Variants in MYO16 observed in about 807,000 individuals in gnomAD.
MYO16 encodes the protein unconventional myosin-XVI.
In MYO16, 94 loss-of-function variants were observed where a neutral mutation model predicts 205.3. The ratio of observed to expected loss-of-function variants is 0.46; its 90% CI spans 0.39 to 0.54. The LOEUF (loss-of-function observed/expected upper bound fraction) is 0.54. MYO16 is among the 20% of genes least tolerant of loss of function. The probability of loss-of-function intolerance (pLI) is 0.00; values close to 1 mark genes in which losing one functional copy is unlikely to be tolerated. For synonymous variants in MYO16, 988 were observed against 954.0 expected (o/e 1.04, Z -0.66); for missense variants, 2,315 against 2,387.5 (o/e 0.97, Z 0.63).
the MYO16 span, among the ~76,000 whole-genome samples, chr13:108,581,931 G>T: frequency 2.0e-5 from 3 of 150,666 alleles, no homozygotes; most frequent in African/African-American, 7.3e-5. Flanking sequence ...GGGGAAGTTT[G>T]TCAGCACTGT....
rs763212761 is a variant in MYO16, at chr13:108,844,328, T to A, written c.1098-15T>A. On this transcript the variant is annotated splice_polypyrimidine_tract_variant and intron_variant, in intron 9 of 34. Transcript: ENST00000457511. ...AGAAAGAGACTAATTGTAGTATTGA[T>A]TTTTTTTCCTGTAGCAGTCCCCTGG... is the stretch of plus-strand genomic sequence containing the variant. 64 of 1,590,304 alleles carry A rather than the reference T, an allele frequency of 4.0e-5. No individual in the cohort carries two copies. The highest frequency in any genetic ancestry group is 5.3e-5 in the Non-Finnish European group (62 of 1,164,650).
intron 23 of MYO16, among the ~76,000 whole-genome samples, chr13:109,040,508 C>T (rs991550251): frequency 7.3e-5 from 11 of 151,544 alleles, no homozygotes; most frequent in Admixed American, 1.3e-4. Context: ...ATAAAAAGAA[C>T]GGTTTTGGTT....
In MYO16 at chr13:108,634,251, C is replaced by T. The variant is rs184057901; in HGVS notation, c.28+4379C>T. On this transcript the variant is annotated intron_variant, in intron 1 of 34. Coordinates refer to ENST00000457511, the MANE Select transcript of MYO16 (RefSeq NM_001198950.3). The stretch of plus-strand genomic sequence containing the variant: ...CAGGCTGAGGAGTTACAAACCTACC[C>T]TCCCACCATTAAATCTGCAGAGTGT... Among the ~76,000 whole-genome samples the T allele has an allele frequency of 7.8e-4, 119 of 152,252 alleles. 2 individuals carry two copies. Among genetic ancestry groups the T allele is most frequent in the African/African-American group, 2.7e-3 (112 of 41,564 alleles).
chr13:109,100,688 A>G, intron 27 of MYO16, 97 bp from the exon 28 acceptor site: 2 of 909,874 alleles, frequency 2.2e-6, no homozygotes, highest in Non-Finnish European at 3.4e-6. Flanking sequence ...AGACGGGGAA[A>G]CTTTTGGGAA....
intron 4 of MYO16, among the ~76,000 whole-genome samples, chr13:108,747,538 TGTC>T (rs953623804): frequency 1.2e-4 from 18 of 152,102 alleles, no homozygotes; most frequent in Middle Eastern, 3.2e-3. Context: ...AAAGTATAAT[TGTC>T]GTGCTAAGAC....
At chr13:108,905,393 T>G (rs1032410071) in intron 15 of MYO16, among the ~76,000 whole-genome samples, 12 of 152,186 alleles carry the variant, frequency 7.9e-5, no homozygotes, top group African/African-American at 2.7e-4. Context: ...GAGCCAGTGC[T>G]AATAAAGGGT....
chr13:109,011,767 C>T (rs1885610679), intron 22 of MYO16, among the ~76,000 whole-genome samples: 1 of 152,084 alleles, frequency 6.6e-6, no homozygotes, highest in Non-Finnish European at 1.5e-5. Flanking sequence ...CCTGCCTCAC[C>T]TCCCAAAGTG....
chr13:108,647,454 G>A (rs1234681927), intron 1 of MYO16, among the ~76,000 whole-genome samples: 1 of 152,114 alleles, frequency 6.6e-6, no homozygotes, highest in Admixed American at 6.5e-5. Context: ...TACTCTCTCA[G>A]AAATGTGGAG....
chr13:109,058,987 C>T (rs1220025642), intron 27 of MYO16, among the ~76,000 whole-genome samples: 1 of 152,122 alleles, frequency 6.6e-6, no homozygotes, highest in South Asian at 2.1e-4. Flanking sequence ...CCATAAGCAG[C>T]AACTCCTCAT....
chr13:108,912,212 T>A (rs1449859654), intron 16 of MYO16, among the ~76,000 whole-genome samples: 2 of 152,156 alleles, frequency 1.3e-5, no homozygotes, highest in Non-Finnish European at 2.9e-5. Flanking sequence ...AGGAAGAGAA[T>A]GAATTGGCCT....
At chr13:109,041,210 A>G (rs1226592848) in intron 23 of MYO16, among the ~76,000 whole-genome samples, 2 of 152,218 alleles carry the variant, frequency 1.3e-5, no homozygotes, top group Non-Finnish European at 2.9e-5. Context: ...TTAAAGATCT[A>G]GATAAAAAGA....
At chr13:108,612,014 C>T (rs1245549399) in intron 1 of MYO16, among the ~76,000 whole-genome samples, 1 of 122,488 alleles carries the variant, frequency 8.2e-6, no homozygotes, top group African/African-American at 3.2e-5. Context: ...CTCGCTCTGT[C>T]GCCCAGGCTG....
intron 20 of MYO16, among the ~76,000 whole-genome samples, chr13:108,979,433 C>G (rs1884381654): frequency 6.6e-6 from 1 of 151,962 alleles, no homozygotes; most frequent in Non-Finnish European, 1.5e-5. Flanking sequence ...AAATAACAAG[C>G]AGTTTGTCAG....
intron 4 of MYO16, among the ~76,000 whole-genome samples, chr13:108,767,584 TTGCAAGC>T (rs1885823392): frequency 7.2e-5 from 11 of 152,304 alleles, no homozygotes; most frequent in African/African-American, 2.4e-4. Flanking sequence ...GGAATACCAT[TTGCAAGC>T]ATTTCTTGCC....
intron 3 of MYO16, among the ~76,000 whole-genome samples, chr13:108,714,500 AAGAG>A (rs1311504614): frequency 6.6e-6 from 1 of 152,080 alleles, no homozygotes; most frequent in Non-Finnish European, 1.5e-5. Flanking sequence ...GTGAGAGAGA[AAGAG>A]GAAGGAAAGG....
At chr13:108,947,576 C>T (rs1409354098) in intron 16 of MYO16, among the ~76,000 whole-genome samples, 4 of 152,198 alleles carry the variant, frequency 2.6e-5, no homozygotes, top group African/African-American at 4.8e-5. Flanking sequence ...GTGTTTCTGG[C>T]TGTGTTTATG....
chr13:108,816,638 T>C (rs184147318), intron 7 of MYO16, among the ~76,000 whole-genome samples: 57 of 152,318 alleles, frequency 3.7e-4, no homozygotes, highest in African/African-American at 1.3e-3. Context: ...TTAACTACTT[T>C]GTTCTCGCTT....
chr13:109,027,644 A>G (rs564504002), intron 23 of MYO16, among the ~76,000 whole-genome samples: 22 of 152,182 alleles, frequency 1.4e-4, no homozygotes, highest in African/African-American at 4.8e-4. Context: ...CTCAGTTGCC[A>G]CACCATGATA....
chr13:109,169,335 A>G (rs1878832708), intron 33 of MYO16, among the ~76,000 whole-genome samples: 1 of 151,998 alleles, frequency 6.6e-6, no homozygotes, highest in African/African-American at 2.4e-5. Flanking sequence ...TATGATAGTG[A>G]TAATAAGAAC....
Sources: gnomAD v4.1 joint callset for allele counts (sites outside exome capture counted in the v4.1 genomes callset) on GRCh38, gnomAD v4.1.1 for gene constraint, MANE v1.5 for transcripts, NCBI Gene and HGNC (gene_info 2026-07-23, HGNC 2026-07-21) for gene names.